The following PKHD1L1 variants were observed in gnomAD, a reference collection of about 807,000 sequenced individuals.
PKHD1L1 encodes the protein fibrocystin-L.
In PKHD1L1, 434 loss-of-function variants were observed where a neutral mutation model predicts 462.9. That is an observed-to-expected ratio of 0.94 (90% CI 0.87 to 1.02). The LOEUF (loss-of-function observed/expected upper bound fraction) is 1.02, where lower values mean the gene tolerates loss of function less well. Among genes scored for constraint, PKHD1L1 ranks in the 50% least tolerant of loss-of-function variants. The pLI, the probability that PKHD1L1 is intolerant of heterozygous loss-of-function variation, is 0.00. For synonymous variants in PKHD1L1, 1,781 were observed against 1,750.0 expected, an observed-to-expected ratio of 1.02 and a Z score of -0.44; for missense variants, 5,202 against 5,096.1, an observed-to-expected ratio of 1.02 and a Z score of -0.63.
intron 44 of PKHD1L1, 46 bp downstream of exon 44, chr8:109,454,292 T>C (rs1816698498): frequency 7.4e-7 from 1 of 1,347,476 alleles, no homozygotes; most frequent in Non-Finnish European, 1.0e-6. Flanking sequence ...CCTGTCTCCA[T>C]TCATTTTTTT....
At chr8:109,407,004 C>T (rs1334027072) in intron 17 of PKHD1L1, among the ~76,000 whole-genome samples, 7 of 151,734 alleles carry the variant, frequency 4.6e-5, no homozygotes, top group Non-Finnish European at 8.8e-5. Flanking sequence ...CATCTTTTTT[C>T]AAGTAATAGC....
Position 109,388,554 on chromosome 8 carries a change from A to G in PKHD1L1, c.623+4A>G. On this transcript the variant is annotated splice_donor_region_variant and intron_variant, in intron 7 of 77. Transcript: ENST00000378402. ...TCATACCACAATCTGATAATTTGTAAGTAATTCAAATTATTTTCTTTACAA... is the reference window on the plus strand; with the variant it reads ...TCATACCACAATCTGATAATTTGTAGGTAATTCAAATTATTTTCTTTACAA... The G allele has an allele frequency of 6.7e-7, 1 of 1,495,912 alleles. No individual in the cohort carries two copies. The highest frequency in any genetic ancestry group is 9.1e-7 in the Non-Finnish European group (1 of 1,098,578). 92.7% of individuals were successfully genotyped at this position (1,495,912 alleles called of 1,614,324 possible). A position where few individuals can be genotyped will look rare whatever the true frequency, so the allele number is the denominator to read the frequency against.
At chr8:109,487,717 T>G (rs1013185594) in intron 59 of PKHD1L1, among the ~76,000 whole-genome samples, 24 of 151,702 alleles carry the variant, frequency 1.6e-4, no homozygotes, top group Admixed American at 1.3e-3. Context: ...AGGCTCAATT[T>G]TTAGTCAAGA....
chr8:109,472,525 A>G (rs532584991), intron 50 of PKHD1L1, among the ~76,000 whole-genome samples: 1 of 152,268 alleles, frequency 6.6e-6, no homozygotes, highest in East Asian at 1.9e-4. Context: ...TTTTTTATTG[A>G]GTTACTAAAC....
At position 109,425,139 on chromosome 8, in the gene PKHD1L1, G is replaced by T; in HGVS notation, c.2752G>T (p.Gly918Cys). Reference protein sequence around the residue: ...EFVYRGNNWPGESKIHIQRIQ... With the variant: ...EFVYRGNNWPCESKIHIQRIQ... Reference sequence around the variant, plus strand: ...TGTCTACAGAGGAAATAATTGGCCAGGCGAGTCAAAAATTCATATTCAAAG... The same window carrying T: ...TGTCTACAGAGGAAATAATTGGCCATGCGAGTCAAAAATTCATATTCAAAG... Residue 918 changes from glycine to cysteine, a missense_variant, in exon 24 of 78, where the codon GGC becomes TGC. Gly to Cys is a radical substitution (Grantham distance 159). Transcript: ENST00000378402. 6.2e-7 allele frequency: 1 copy of T among 1,608,368 alleles called. No homozygotes were observed. The highest frequency in any genetic ancestry group is 8.5e-7 in the Non-Finnish European group (1 of 1,177,576).
chr8:109,421,149 A>G (rs2130647045), intron 23 of PKHD1L1, among the ~76,000 whole-genome samples: 1 of 151,978 alleles, frequency 6.6e-6, no homozygotes, highest in Admixed American at 6.5e-5. Flanking sequence ...TACATTTGTA[A>G]TAAGATTAAT....
At position 109,485,075 on chromosome 8, in the gene PKHD1L1, G is replaced by A; in HGVS notation, c.9608G>A (p.Ser3203Asn). The A allele has an allele frequency of 5.0e-6, 8 of 1,601,498 alleles. No individual in the cohort carries two copies. Among genetic ancestry groups the A allele is most frequent in the Non-Finnish European group, 6.8e-6 (8 of 1,173,710 alleles). ...GAAGAGATTGTGATAACAACCACAA[G>A]CTACGATTTCCACCAGACAGAAACA... ...EGEEIVITTTSYDFHQTETRS... is the reference protein window; with the variant it reads ...EGEEIVITTTNYDFHQTETRS... The change falls in exon 58 of 78, where the codon AGC (serine) becomes AAC (asparagine). Residue 3203 changes from serine (S) to asparagine (N), a missense_variant. Coordinates refer to ENST00000378402, the MANE Select transcript of PKHD1L1 (RefSeq NM_177531.6).
intron 75 of PKHD1L1, 122 bp downstream of exon 75, chr8:109,523,012 T>C: frequency 8.7e-7 from 1 of 1,144,460 alleles, no homozygotes; most frequent in South Asian, 1.7e-5. Context: ...CTTTCAGAAG[T>C]TGGACTAATA....
At position 109,396,691 on chromosome 8, in the gene PKHD1L1, C is replaced by T. The variant is rs538706795; in HGVS notation, c.922+554C>T. Among the ~76,000 whole-genome samples, 4 of 152,186 alleles carry T rather than the reference C, an allele frequency of 2.6e-5. No individual in the cohort carries two copies. The South Asian group carries it at 6.2e-4, about 24-fold the overall frequency. On this transcript the variant is annotated intron_variant, in intron 11 of 77. Transcript: ENST00000378402. ...GTGGTTATGCTTCACTTTTATGTGT[C>T]CTGTCCAGATCTGTTCAGAGGTAGG...
intron 53 of PKHD1L1, 119 bp from the exon 54 acceptor site, chr8:109,479,432 A>T (rs1586595041): frequency 1.5e-6 from 1 of 666,088 alleles, no homozygotes; most frequent in Non-Finnish European, 2.5e-6. Flanking sequence ...CAAAGCGTGC[A>T]TTTTTTTTCT....
rs1821003015 is a variant in PKHD1L1 at position 109,530,191 on chromosome 8, T to C, written c.*101T>C. Reference sequence around the variant, plus strand: ...CTATAGCATTTTCATGAAAATATACTAAAAATATTTTTATGATATATAAAA... The same window carrying C: ...CTATAGCATTTTCATGAAAATATACCAAAAATATTTTTATGATATATAAAA... On this transcript the variant is annotated 3_prime_UTR_variant, in exon 78 of 78. Coordinates refer to ENST00000378402, the MANE Select transcript of PKHD1L1 (RefSeq NM_177531.6). 1 of 624,400 alleles carries C rather than the reference T, an allele frequency of 1.6e-6. No individual in the cohort carries two copies. The highest frequency in any genetic ancestry group is 2.4e-6 in the Non-Finnish European group (1 of 420,842). The allele number at this position is 624,400 out of a possible 1,614,324, so 38.7% of individuals were successfully genotyped here. A position where few individuals can be genotyped will look rare whatever the true frequency, so the allele number is the denominator to read the frequency against.
At position 109,481,538 on chromosome 8, in the gene PKHD1L1, C is replaced by A. The variant is rs1162702733; in HGVS notation, c.9433C>A (p.Pro3145Thr). 6.3e-7 allele frequency: 1 copy of A among 1,595,186 alleles called. No individual in the cohort carries two copies. Among genetic ancestry groups the A allele is most frequent in the Non-Finnish European group, 8.5e-7 (1 of 1,170,266 alleles). ...TTQDWALPEG[P>T]NQGAKVLGVF... ...ACAAGACTGGGCTCTTCCAGAAGGACCAAATCAAGGGGCAAAGGTCTTAGG... is the reference window on the plus strand; with the variant it reads ...ACAAGACTGGGCTCTTCCAGAAGGAACAAATCAAGGGGCAAAGGTCTTAGG... The change falls in exon 56 of 78, where the codon CCA becomes ACA. Residue 3145 changes from proline to threonine, a missense_variant. Pro to Thr is a conservative substitution (Grantham distance 38). Around this residue, in one of 3 missense-constraint regions of PKHD1L1, gnomAD observed 4,497 missense variants for 4,336.8 expected, o/e 1.04. Coordinates refer to ENST00000378402, the MANE Select transcript of PKHD1L1 (RefSeq NM_177531.6).
At chr8:109,498,957 T>C (rs998302442) in intron 67 of PKHD1L1, 186 bp downstream of exon 67, 12 of 581,594 alleles carry the variant, frequency 2.1e-5, no homozygotes, top group Admixed American at 6.7e-5. Flanking sequence ...AGGATTCTTA[T>C]ACTGTATGTT....
In PKHD1L1 at chr8:109,465,212, A is replaced by G. The variant is rs751346063; in HGVS notation, c.8380A>G (p.Met2794Val). The change falls in exon 49 of 78, where the codon ATG becomes GTG. Residue 2794 changes from methionine to valine, a missense_variant. By Grantham distance (21) the Met-to-Val change is conservative. Around this residue, in one of 3 missense-constraint regions of PKHD1L1, gnomAD observed 4,497 missense variants for 4,336.8 expected, o/e 1.04. Coordinates refer to ENST00000378402, the MANE Select transcript of PKHD1L1 (RefSeq NM_177531.6). ...GGCTGGCTTTCGCTGGGAACATGAA[A>G]TGGTAATGATTGATGTTGATGGCTC... is the stretch of plus-strand genomic sequence containing the variant. Reference protein sequence around the residue: ...NKAGFRWEHEMVMIDVDGSLT... With the variant: ...NKAGFRWEHEVVMIDVDGSLT... The G allele has an allele frequency of 3.1e-6, 5 of 1,613,512 alleles. No individual in the cohort carries two copies. Among genetic ancestry groups the G allele is most frequent in the Non-Finnish European group, 1.7e-6 (2 of 1,179,638 alleles).
chr8:109,510,999 G>C lies in PKHD1L1; in HGVS notation c.11553+65G>C, dbSNP rs1404579947. ...TTGCATGTTATTTCTATCTGCTAAG[G>C]CTTGTACCTCCTCCCCTGTTCTAAC... On this transcript the variant is annotated intron_variant, in intron 71 of 77. Coordinates refer to ENST00000378402, the MANE Select transcript of PKHD1L1 (RefSeq NM_177531.6). The C allele has an allele frequency of 2.0e-6, 3 of 1,524,590 alleles. No homozygotes were observed. The African/African-American group carries it at 4.1e-5, about 21-fold the overall frequency. 94.4% of individuals were successfully genotyped at this position (1,524,590 alleles called of 1,614,324 possible).
intron 18 of PKHD1L1, 92 bp from the exon 19 acceptor site, chr8:109,409,773 T>G (rs1439795796): frequency 1.8e-6 from 1 of 557,974 alleles, no homozygotes; most frequent in African/African-American, 2.0e-5. Flanking sequence ...GAAAATGTCC[T>G]ATTAAAACTA....
chr8:109,425,351 ATTAT>A lies in PKHD1L1; in HGVS notation c.2845+126_2845+129del, dbSNP rs561126079. On this transcript the variant is annotated intron_variant, in intron 24 of 77. Coordinates refer to ENST00000378402, the MANE Select transcript of PKHD1L1 (RefSeq NM_177531.6). Reference sequence around the variant, plus strand: ...CTTATTGATACATACAAATATATTAATTATTTATTTGATATATAAGTAAATATGT... The same window carrying A: ...CTTATTGATACATACAAATATATTAATTATTTGATATATAAGTAAATATGT... 1.3e-3 allele frequency: 787 copies of A among 605,864 alleles called. 4 individuals are homozygous for A. In the African/African-American group the frequency reaches 0.014, roughly 11 times the overall value. 37.5% of individuals were successfully genotyped at this position (605,864 alleles called of 1,614,324 possible).
intron 27 of PKHD1L1, among the ~76,000 whole-genome samples, chr8:109,431,531 AAC>A (rs1002841492): frequency 4.0e-5 from 6 of 151,236 alleles, no homozygotes; most frequent in East Asian, 3.9e-4. Context: ...TTTTGTATAT[AAC>A]ACACACACAC....
In PKHD1L1 at chr8:109,375,798, G is replaced by A. The variant is rs528604326; in HGVS notation, c.164-5572G>A. On this transcript the variant is annotated intron_variant, in intron 2 of 77. Coordinates refer to ENST00000378402, the MANE Select transcript of PKHD1L1 (RefSeq NM_177531.6). ...CCCTGTTTGCTTAGGTATCAGCAGC[G>A]GTGGCTGCAGAACAGTGGATATTTG... Among the ~76,000 whole-genome samples, 15 of 152,248 alleles carry A rather than the reference G, an allele frequency of 9.9e-5. No homozygotes were observed. The South Asian group carries it at 1.4e-3, about 15-fold the overall frequency.
Sources: gnomAD v4.1 joint callset for allele counts (sites outside exome capture counted in the v4.1 genomes callset) on GRCh38, gnomAD v4.1.1 for gene constraint, gnomAD v4.1.1 regional missense constraint, MANE v1.5 for transcripts, NCBI Gene and HGNC (gene_info 2026-07-23, HGNC 2026-07-21) for gene names.